The following HSPB8 variants were observed in gnomAD, a reference collection of about 807,000 sequenced individuals.
The protein encoded by HSPB8 is heat shock protein beta-8.
A neutral mutation model predicts 16.5 loss-of-function variants in HSPB8; 9 were observed. That is an observed-to-expected ratio of 0.55 (90% CI 0.33 to 0.95). HSPB8 has a LOEUF of 0.95. Among genes scored for constraint, HSPB8 ranks in the 40% least tolerant of loss-of-function variants. HSPB8 has a pLI of 0.03. For synonymous variants in HSPB8, 99 were observed against 94.8 expected (o/e 1.04, Z -0.26); for missense variants, 238 against 251.2 (o/e 0.95, Z 0.35).
At chr12:119,183,889 CT>C (rs1033402547) in intron 1 of HSPB8, among the ~76,000 whole-genome samples, 3 of 152,208 alleles carry the variant, frequency 2.0e-5, no homozygotes, top group Non-Finnish European at 4.4e-5. Context: ...GAGGAGCAGT[CT>C]TTTCCCCAAA....
chr12:119,179,076 G>A lies in HSPB8; in HGVS notation c.-237G>A, dbSNP rs146732479. The A allele has an allele frequency of 1.3e-4, 78 of 596,518 alleles. 1 individual carries two copies. Among genetic ancestry groups the A allele is most frequent in the African/African-American group, 9.9e-4 (54 of 54,278 alleles). 37.0% of individuals were successfully genotyped at this position (596,518 alleles called of 1,614,324 possible). ...CGGTCTGTCGTGAGGCAGTGCGGAC[G>A]GGGACCCTCTGGGATTCTGCTGGAT... On this transcript the variant is annotated 5_prime_UTR_variant, in exon 1 of 3. Coordinates refer to ENST00000281938, the MANE Select transcript of HSPB8 (RefSeq NM_014365.3).
chr12:119,189,621 T>G (rs1954699888), intron 2 of HSPB8, among the ~76,000 whole-genome samples: 1 of 151,858 alleles, frequency 6.6e-6, no homozygotes, highest in Non-Finnish European at 1.5e-5. Flanking sequence ...CACAACAGGG[T>G]TCAAGCTCCT....
chr12:119,182,760 G>A (rs1954647321), intron 1 of HSPB8: 1 of 152,228 alleles, frequency 6.6e-6, no homozygotes, highest in African/African-American at 2.4e-5. Context: ...ACGTGCTAAA[G>A]GCCTACATGT....
At position 119,179,509 on chromosome 12, in the gene HSPB8, C is replaced by T. The variant is rs140173724; in HGVS notation, c.197C>T (p.Ser66Leu). 1 of 1,613,920 alleles carries T rather than the reference C, an allele frequency of 6.2e-7. No homozygotes were observed. Among genetic ancestry groups the T allele is most frequent in the Non-Finnish European group, 8.5e-7 (1 of 1,179,984 alleles). The part of the protein sequence containing the change: ...LSSAWPGTLR[S>L]GMVPRGPTAT... ...TCCGCCTGGCCAGGCACCCTAAGGT[C>T]GGGCATGGTGCCCCGGGGCCCCACT... Residue 66 changes from serine (S) to leucine (L), a missense_variant, in exon 1 of 3, where the codon TCG becomes TTG. Coordinates refer to ENST00000281938, the MANE Select transcript of HSPB8 (RefSeq NM_014365.3).
intron 1 of HSPB8, among the ~76,000 whole-genome samples, chr12:119,185,178 C>A (rs1954667364): frequency 6.6e-6 from 1 of 151,010 alleles, no homozygotes; most frequent in African/African-American, 2.4e-5. Flanking sequence ...AATTTAGAGA[C>A]CAGATCTCAC....
chr12:119,183,452 A>G (rs1033830073), intron 1 of HSPB8, among the ~76,000 whole-genome samples: 85 of 152,172 alleles, frequency 5.6e-4, no homozygotes, highest in Non-Finnish European at 7.5e-4. Flanking sequence ...CTTCCCTGGA[A>G]ACAGCACTTT....
rs377372380 is a variant in HSPB8, at chr12:119,179,304, G to A, written c.-9G>A. ...GAGCCTCTGTTTCTCTCTGAGCTGA[G>A]CAGCCACCATGGCTGACGGTCAGAT... On this transcript the variant is annotated 5_prime_UTR_variant, in exon 1 of 3. Coordinates refer to ENST00000281938, the MANE Select transcript of HSPB8 (RefSeq NM_014365.3). The A allele has an allele frequency of 6.2e-6, 10 of 1,613,152 alleles. No homozygotes were observed. The highest frequency in any genetic ancestry group is 8.5e-6 in the Non-Finnish European group (10 of 1,179,960).
chr12:119,193,549 G>A (rs2136086192), intron 2 of HSPB8, 150 bp from the exon 3 acceptor site: 1 of 786,028 alleles, frequency 1.3e-6, no homozygotes, highest in South Asian at 1.5e-5. Flanking sequence ...AGACCACACA[G>A]CTAGAAAGGG....
rs1162957635 is a variant in HSPB8, at chr12:119,194,121, A to G, written c.*263A>G. The G allele has an allele frequency of 3.9e-6, 2 of 518,938 alleles. No individual in the cohort carries two copies. The highest frequency in any genetic ancestry group is 3.8e-5 in the African/African-American group (2 of 52,108). The allele number at this position is 518,938 out of a possible 1,614,324, so 32.1% of individuals were successfully genotyped here. A position where few individuals can be genotyped will look rare whatever the true frequency, so the allele number is the denominator to read the frequency against. On this transcript the variant is annotated 3_prime_UTR_variant, in exon 3 of 3. Transcript: ENST00000281938. ...TTTTCTATCTTGATGAAAATGTTGC[A>G]CATTCTATAGTTGCAAAACACATAA... is the stretch of plus-strand genomic sequence containing the variant.
At chr12:119,188,539 C>T (rs549532698) in intron 2 of HSPB8, among the ~76,000 whole-genome samples, 5 of 151,732 alleles carry the variant, frequency 3.3e-5, no homozygotes, top group African/African-American at 1.2e-4. Context: ...TGAGCCACTG[C>T]GCCTGGCCCC....
chr12:119,186,961 C>T, intron 1 of HSPB8, 64 bp from the exon 2 acceptor site: 1 of 1,495,154 alleles, frequency 6.7e-7, no homozygotes, highest in South Asian at 1.1e-5. Context: ...TGAACCCAAG[C>T]CTCAGTCCTG....
At position 119,179,460 on chromosome 12, in the gene HSPB8, G is replaced by T; in HGVS notation, c.148G>T (p.Asp50Tyr). ...AGACGACTTGACAGCCTCTTGGCCC[G>T]ACTGGGCTCTGCCTCGTCTCTCCTC... is the stretch of plus-strand genomic sequence containing the variant. ...FPDDLTASWP[D>Y]WALPRLSSAW... Residue 50 changes from aspartate to tyrosine, a missense_variant, in exon 1 of 3, where the codon GAC (aspartate) becomes TAC (tyrosine). Transcript: ENST00000281938. 6.2e-7 allele frequency: 1 copy of T among 1,614,060 alleles called. No individual in the cohort carries two copies. Among genetic ancestry groups the T allele is most frequent in the Admixed American group, 1.7e-5 (1 of 60,026 alleles).
At chr12:119,186,793 G>A (rs1014357759) in intron 1 of HSPB8, 34 of 554,498 alleles carry the variant, frequency 6.1e-5, no homozygotes, top group African/African-American at 4.7e-4. Flanking sequence ...CACGGTCTAC[G>A]CCTCCTTTCC....
intron 1 of HSPB8, among the ~76,000 whole-genome samples, chr12:119,185,653 T>A (rs1388187617): frequency 6.6e-6 from 1 of 151,672 alleles, no homozygotes; most frequent in East Asian, 1.9e-4. Flanking sequence ...TTATTATTAT[T>A]TTTAGAAACA....
At chr12:119,192,829 A>G (rs1017067611) in intron 2 of HSPB8, among the ~76,000 whole-genome samples, 4 of 152,136 alleles carry the variant, frequency 2.6e-5, no homozygotes, top group African/African-American at 9.7e-5. Flanking sequence ...CAATCATGGC[A>G]AAAGGTGAAA....
At position 119,194,257 on chromosome 12, in the gene HSPB8, A is replaced by G; in HGVS notation, c.*399A>G. The G allele has an allele frequency of 3.4e-6, 1 of 296,088 alleles. No individual in the cohort carries two copies. The highest frequency in any genetic ancestry group is 6.5e-6 in the Non-Finnish European group (1 of 154,170). The allele number at this position is 296,088 out of a possible 1,614,324, so 18.3% of individuals were successfully genotyped here. On this transcript the variant is annotated 3_prime_UTR_variant, in exon 3 of 3. Transcript: ENST00000281938. ...TTCCTACTCTGGGCTCCCGATTCCC[A>G]TGGCTCCCAAACCATGCCGCATGGT...
At chr12:119,187,284 A>G (rs1340915712) in intron 2 of HSPB8, among the ~76,000 whole-genome samples, 196 bp downstream of exon 2, 3 of 152,192 alleles carry the variant, frequency 2.0e-5, no homozygotes, top group African/African-American at 7.2e-5. Context: ...GGGGGAGCAC[A>G]TAGATTGCAT....
At chr12:119,187,546 T>C (rs1400503804) in intron 2 of HSPB8, among the ~76,000 whole-genome samples, 1 of 152,068 alleles carries the variant, frequency 6.6e-6, no homozygotes, top group Admixed American at 6.5e-5. Context: ...TTAGTAGAGA[T>C]GGGGTTTCGC....
Position 119,194,100 on chromosome 12 carries a change from C to A in HSPB8, c.*242C>A. On this transcript the variant is annotated 3_prime_UTR_variant, in exon 3 of 3. Transcript: ENST00000281938. ...ACTAGTTTTGCTTTCTTTACCTTTT[C>A]TATCTTGATGAAAATGTTGCACATT... The A allele has an allele frequency of 8.9e-6, 5 of 559,180 alleles. No individual in the cohort carries two copies. The highest frequency in any genetic ancestry group is 8.0e-5 in the South Asian group (4 of 49,808). 34.6% of individuals were successfully genotyped at this position (559,180 alleles called of 1,614,324 possible). A position where few individuals can be genotyped will look rare whatever the true frequency, so the allele number is the denominator to read the frequency against.
Sources: gnomAD v4.1 joint callset for allele counts (sites outside exome capture counted in the v4.1 genomes callset) on GRCh38, gnomAD v4.1.1 for gene constraint, MANE v1.5 for transcripts, NCBI Gene and HGNC (gene_info 2026-07-23, HGNC 2026-07-21) for gene names.